The following PATJ variants were observed in gnomAD, a reference collection of about 807,000 sequenced individuals.
The protein encoded by PATJ is PATJ crumbs cell polarity complex component.
A neutral mutation model predicts 224.9 loss-of-function variants in PATJ; 190 were observed. The observed-to-expected ratio is 0.84, with a 90% CI of 0.75 to 0.95. The LOEUF (loss-of-function observed/expected upper bound fraction) is 0.95. Ranked by LOEUF, PATJ falls within the 40% of genes least tolerant of loss-of-function variation. The pLI, the probability that PATJ is intolerant of heterozygous loss-of-function variation, is 0.00. For synonymous variants in PATJ, 769 were observed against 820.3 expected, an observed-to-expected ratio of 0.94 and a Z score of 1.07; for missense variants, 2,121 against 2,270.3, an observed-to-expected ratio of 0.93 and a Z score of 1.34.
intron 27 of PATJ, chr1:61,952,108 T>C (rs531616049): frequency 9.6e-6 from 4 of 415,332 alleles, no homozygotes; most frequent in Non-Finnish European, 1.7e-5. Context: ...CCAGGGATTT[T>C]GCTTCTCCGG....
At chr1:62,045,362 G>A (rs889302129) in intron 30 of PATJ, among the ~76,000 whole-genome samples, 3 of 151,324 alleles carry the variant, frequency 2.0e-5, no homozygotes, top group African/African-American at 4.8e-5. Context: ...GAAAATTATA[G>A]ACAAATGGTG....
At chr1:61,839,109 T>C (rs1473598577) in intron 17 of PATJ, among the ~76,000 whole-genome samples, 1 of 152,076 alleles carries the variant, frequency 6.6e-6, no homozygotes, top group Non-Finnish European at 1.5e-5. Flanking sequence ...TCTTTTTTTT[T>C]CTTTCTTTTT....
At chr1:61,949,763 A>G (rs1378301679) in intron 27 of PATJ, among the ~76,000 whole-genome samples, 1 of 151,796 alleles carries the variant, frequency 6.6e-6, no homozygotes, top group Non-Finnish European at 1.5e-5. Flanking sequence ...AAAATTAGTC[A>G]GGTATGGGGG....
At chr1:61,918,896 C>T (rs984230042) in intron 26 of PATJ, among the ~76,000 whole-genome samples, 7 of 151,642 alleles carry the variant, frequency 4.6e-5, no homozygotes, top group South Asian at 2.1e-4. Context: ...CAGGGAAGGC[C>T]GCAGTGAGCC....
At chr1:62,070,371 T>C (rs1326740901) in intron 31 of PATJ, among the ~76,000 whole-genome samples, 1 of 152,248 alleles carries the variant, frequency 6.6e-6, no homozygotes, top group Non-Finnish European at 1.5e-5. Flanking sequence ...GTGACCTTCC[T>C]TTCATGGCTG....
intron 17 of PATJ, among the ~76,000 whole-genome samples, chr1:61,838,408 G>A (rs1660539801): frequency 6.6e-6 from 1 of 151,332 alleles, no homozygotes; most frequent in Non-Finnish European, 1.5e-5. Flanking sequence ...AGGCTGGAGT[G>A]CAGTGGCGCG....
chr1:62,032,342 T>TCA (rs1649490843), intron 29 of PATJ, among the ~76,000 whole-genome samples: 1 of 151,872 alleles, frequency 6.6e-6, no homozygotes. Context: ...ATTTAATTGG[T>TCA]TTAGAATTCA....
At chr1:61,840,679 A>G (rs1350292536) in intron 17 of PATJ, among the ~76,000 whole-genome samples, 1 of 151,938 alleles carries the variant, frequency 6.6e-6, no homozygotes, top group Admixed American at 6.6e-5. Flanking sequence ...TCCTGTACCC[A>G]GTTGGTGGGC....
intron 14 of PATJ, among the ~76,000 whole-genome samples, chr1:61,809,580 T>C (rs1414697367): frequency 6.6e-6 from 1 of 151,680 alleles, no homozygotes; most frequent in South Asian, 2.1e-4. Context: ...AGAGACGAGG[T>C]TTCTCCCTGT....
intron 4 of PATJ, among the ~76,000 whole-genome samples, chr1:61,768,681 C>G (rs1299992030): frequency 6.6e-6 from 1 of 151,810 alleles, no homozygotes; most frequent in East Asian, 1.9e-4. Flanking sequence ...GGGTGGATCG[C>G]TTGAGCTCAG....
intron 30 of PATJ, among the ~76,000 whole-genome samples, chr1:62,047,154 A>C (rs1413331375): frequency 6.6e-6 from 1 of 152,186 alleles, no homozygotes; most frequent in East Asian, 1.9e-4. Flanking sequence ...TCTTCATGTG[A>C]GAATCTCTCT....
intron 28 of PATJ, among the ~76,000 whole-genome samples, chr1:62,000,667 T>C (rs1218617892): frequency 6.6e-6 from 1 of 150,712 alleles, no homozygotes; most frequent in African/African-American, 2.5e-5. Flanking sequence ...TACGTGTGCA[T>C]GTGTCTTTAT....
chr1:61,770,879 C>T (rs1459159878), intron 5 of PATJ, among the ~76,000 whole-genome samples: 1 of 149,864 alleles, frequency 6.7e-6, no homozygotes, highest in Non-Finnish European at 1.5e-5. Flanking sequence ...CATTGTACTC[C>T]AGCCTGGGCA....
chr1:61,925,552 A>C (rs1675065364), intron 26 of PATJ, among the ~76,000 whole-genome samples: 1 of 152,230 alleles, frequency 6.6e-6, no homozygotes, highest in Non-Finnish European at 1.5e-5. Context: ...ACTTGGAATT[A>C]ACTGTGGGTG....
chr1:62,068,059 T>A (rs1656776917), intron 31 of PATJ, among the ~76,000 whole-genome samples: 1 of 152,200 alleles, frequency 6.6e-6, no homozygotes, highest in Non-Finnish European at 1.5e-5. Flanking sequence ...CCTTACACAG[T>A]GCTGGGATTA....
intron 1 of PATJ, among the ~76,000 whole-genome samples, chr1:61,761,649 C>T (rs1645976952): frequency 6.6e-6 from 1 of 151,354 alleles, no homozygotes; most frequent in African/African-American, 2.4e-5. Flanking sequence ...CTTAACAAGG[C>T]CTGTTTGTTC....
chr1:61,773,648 G>A (rs1161618649), intron 6 of PATJ, among the ~76,000 whole-genome samples: 3 of 152,058 alleles, frequency 2.0e-5, no homozygotes, highest in African/African-American at 7.2e-5. Context: ...CTAGCCAAGC[G>A]TGGTGGTGCA....
intron 38 of PATJ, among the ~76,000 whole-genome samples, chr1:62,121,699 G>A (rs1280186085): frequency 1.3e-5 from 2 of 152,014 alleles, no homozygotes; most frequent in Non-Finnish European, 2.9e-5. Context: ...AAACTGGCGG[G>A]GGTGGTGGAG....
chr1:61,782,938 A>G (rs896894084), intron 7 of PATJ, among the ~76,000 whole-genome samples: 4 of 152,228 alleles, frequency 2.6e-5, no homozygotes, highest in Non-Finnish European at 5.9e-5. Context: ...TGTCTTCAGA[A>G]CACAGCCTAT....
Sources: gnomAD v4.1 joint callset for allele counts (sites outside exome capture counted in the v4.1 genomes callset) on GRCh38, gnomAD v4.1.1 for gene constraint, MANE v1.5 for transcripts, NCBI Gene and HGNC (gene_info 2026-07-23, HGNC 2026-07-21) for gene names.